GRM3: variants seen among roughly 807,000 people sequenced by gnomAD.
GRM3 encodes glutamate metabotropic receptor 3, also known as metabotropic glutamate receptor 3.
In GRM3, 26 loss-of-function variants were observed where a neutral mutation model predicts 70.5. The observed-to-expected ratio is 0.37, with a 90% CI of 0.27 to 0.51. GRM3 has a LOEUF of 0.51. GRM3 is among the 20% of genes least tolerant of loss of function. The pLI is 0.93. For missense variants in GRM3, 859 were observed against 1,123.8 expected (o/e 0.76, Z 3.37); for synonymous variants, 443 against 434.9 (o/e 1.02, Z -0.23).
chr7:86,670,557 C>T (rs545584361), intron 1 of GRM3, among the ~76,000 whole-genome samples: 8 of 152,298 alleles, frequency 5.3e-5, no homozygotes, highest in Non-Finnish European at 1.0e-4. Context: ...TTTGAATCCA[C>T]TCCTCTTTTC....
At chr7:86,781,630 T>C (rs1307511829) in intron 2 of GRM3, among the ~76,000 whole-genome samples, 1 of 152,132 alleles carries the variant, frequency 6.6e-6, no homozygotes, top group Non-Finnish European at 1.5e-5. Context: ...TTTTGAAAAG[T>C]CACTTCACCC....
At chr7:86,733,110 C>G (rs58221462) in intron 1 of GRM3, among the ~76,000 whole-genome samples, 2 of 151,808 alleles carry the variant, frequency 1.3e-5, no homozygotes, top group Admixed American at 1.3e-4. Flanking sequence ...GTCAGGAGAT[C>G]GAGACCATCC....
At chr7:86,744,536 C>A (rs915105646) in intron 1 of GRM3, among the ~76,000 whole-genome samples, 8 of 151,532 alleles carry the variant, frequency 5.3e-5, no homozygotes, top group African/African-American at 1.7e-4. Context: ...AGCAAAGATT[C>A]CCCAACAGGC....
At chr7:86,819,205 A>T (rs910058231) in intron 3 of GRM3, among the ~76,000 whole-genome samples, 2 of 152,082 alleles carry the variant, frequency 1.3e-5, no homozygotes, top group Non-Finnish European at 2.9e-5. Context: ...AATAACCAAC[A>T]TTGTTTGTAT....
At chr7:86,820,363 G>T (rs1416226254) in intron 3 of GRM3, among the ~76,000 whole-genome samples, 1 of 152,114 alleles carries the variant, frequency 6.6e-6, no homozygotes, top group Non-Finnish European at 1.5e-5. Flanking sequence ...TGCTTGGGTA[G>T]AGAGGTGAGA....
At chr7:86,697,348 C>A (rs569551620) in intron 1 of GRM3, among the ~76,000 whole-genome samples, 2 of 150,306 alleles carry the variant, frequency 1.3e-5, no homozygotes, top group Admixed American at 1.3e-4. Flanking sequence ...AGTGAAAAGA[C>A]CAGCCTGATC....
chr7:86,838,863 C>G lies in GRM3; in HGVS notation c.1349C>G (p.Ala450Gly), dbSNP rs1273977731. 1.1e-5 allele frequency: 17 copies of G among 1,607,642 alleles called. No individual in the cohort carries two copies. Among genetic ancestry groups the G allele is most frequent in the Admixed American group, 1.7e-5 (1 of 59,732 alleles). ...FTAPFNPNKD[A>G]DSIVKFDTFG... ...GCTCCATTCAACCCAAATAAAGATG[C>G]AGATAGCATAGTCAAGTTTGACACT... The change falls in exon 4 of 6, where the codon GCA becomes GGA. Residue 450 changes from alanine to glycine, a missense_variant. Coordinates refer to ENST00000361669, the MANE Select transcript of GRM3 (RefSeq NM_000840.3).
chr7:86,650,121 T>A (rs2115767178), intron 1 of GRM3, among the ~76,000 whole-genome samples: 1 of 152,214 alleles, frequency 6.6e-6, no homozygotes, highest in African/African-American at 2.4e-5. Flanking sequence ...TAGGTGATAA[T>A]TATTAACCAA....
intron 1 of GRM3, among the ~76,000 whole-genome samples, chr7:86,733,232 G>A (rs1232758259): frequency 6.6e-6 from 1 of 151,484 alleles, no homozygotes; most frequent in African/African-American, 2.4e-5. Flanking sequence ...GAAAATGGCA[G>A]GAACCCAGGA....
chr7:86,700,625 A>G (rs1228381145), intron 1 of GRM3, among the ~76,000 whole-genome samples: 1 of 151,966 alleles, frequency 6.6e-6, no homozygotes, highest in African/African-American at 2.4e-5. Context: ...TCAGACAGTT[A>G]TCTTAGTTAT....
intron 1 of GRM3, among the ~76,000 whole-genome samples, chr7:86,661,908 T>C (rs1007726314): frequency 1.3e-5 from 2 of 151,828 alleles, no homozygotes; most frequent in African/African-American, 4.8e-5. Flanking sequence ...ACTTTCACAG[T>C]TTAATGCTTC....
chr7:86,820,747 C>T (rs1317931370), intron 3 of GRM3, among the ~76,000 whole-genome samples: 1 of 152,090 alleles, frequency 6.6e-6, no homozygotes, highest in African/African-American at 2.4e-5. Context: ...AACACAAAAT[C>T]CCTGCTATCA....
Position 86,710,478 on chromosome 7 carries a change from G to C in GRM3, c.-140-54528G>C, listed in dbSNP as rs561662691. 3.4e-5 allele frequency among the ~76,000 whole-genome samples: 5 copies of C among 147,938 alleles called. No homozygotes were observed. In the South Asian group the frequency reaches 1.1e-3, roughly 32 times the overall value. ...CAGGAAAAGTTAAAAAAAAAAACTT[G>C]TATAAAATAACTATAGAAGACTGAA... On this transcript the variant is annotated intron_variant, in intron 1 of 5. Transcript: ENST00000361669.
At chr7:86,675,608 A>C (rs1034993734) in intron 1 of GRM3, among the ~76,000 whole-genome samples, 1 of 152,060 alleles carries the variant, frequency 6.6e-6, no homozygotes, top group African/African-American at 2.4e-5. Context: ...ATGAAGGTGA[A>C]CTATTGAAAG....
At chr7:86,852,324 CG>C (rs1159022313) in intron 5 of GRM3, among the ~76,000 whole-genome samples, 1 of 152,074 alleles carries the variant, frequency 6.6e-6, no homozygotes. Flanking sequence ...TTCAAAATTG[CG>C]TATATCCAGA....
At chr7:86,710,853 A>G (rs1030087824) in intron 1 of GRM3, among the ~76,000 whole-genome samples, 1 of 152,016 alleles carries the variant, frequency 6.6e-6, no homozygotes, top group African/African-American at 2.4e-5. Context: ...CAAAAGGTAG[A>G]TTGTTATTAT....
intron 1 of GRM3, among the ~76,000 whole-genome samples, chr7:86,691,637 T>C (rs1562827196): frequency 1.3e-5 from 2 of 152,160 alleles, no homozygotes; most frequent in African/African-American, 2.4e-5. Flanking sequence ...TGATTAGACA[T>C]TAGAGCTCTT....
intron 3 of GRM3, among the ~76,000 whole-genome samples, chr7:86,826,142 G>A (rs1241181738): frequency 6.6e-6 from 1 of 152,220 alleles, no homozygotes; most frequent in Non-Finnish European, 1.5e-5. Flanking sequence ...GATTAAATTG[G>A]TCATCAGAAT....
At chr7:86,763,653 A>G (rs547690913) in intron 1 of GRM3, among the ~76,000 whole-genome samples, 1 of 152,282 alleles carries the variant, frequency 6.6e-6, no homozygotes, top group Admixed American at 6.5e-5. Context: ...CAGTAGCTAC[A>G]GTCAACTGTG....
Sources: gnomAD v4.1 joint callset for allele counts (sites outside exome capture counted in the v4.1 genomes callset) on GRCh38, gnomAD v4.1.1 for gene constraint, MANE v1.5 for transcripts, NCBI Gene and HGNC (gene_info 2026-07-23, HGNC 2026-07-21) for gene names.